MOV10L1: variants seen among roughly 807,000 people sequenced by gnomAD.
MOV10L1 encodes RNA helicase Mov10l1.
In MOV10L1, 110 loss-of-function variants were observed where a neutral mutation model predicts 143.8. That is an observed-to-expected ratio of 0.76 (90% CI 0.66 to 0.90). The LOEUF is 0.90. MOV10L1 is among the 40% of genes least tolerant of loss of function. The pLI, the probability that MOV10L1 is intolerant of heterozygous loss-of-function variation, is 0.00. For missense variants in MOV10L1, 1,406 were observed against 1,526.8 expected (o/e 0.92, Z 1.32); for synonymous variants, 593 against 581.1 (o/e 1.02, Z -0.29).
intron 1 of MOV10L1, chr22:50,090,554 G>C (rs1386750115): frequency 6.3e-7 from 1 of 1,592,838 alleles, no homozygotes; most frequent in Admixed American, 1.8e-5. Flanking sequence ...CCGCAGACTT[G>C]GCCTGTCCTT....
chr22:50,127,537 A>G (rs2062545731), intron 12 of MOV10L1, among the ~76,000 whole-genome samples: 1 of 152,114 alleles, frequency 6.6e-6, no homozygotes, highest in African/African-American at 2.4e-5. Context: ...AAGCCATCCC[A>G]GGGCGTAGCT....
rs370682450 is a variant in MOV10L1 at position 50,108,126 on chromosome 22, G to T, written c.443-10G>T. ...TAACACTACCATGGCTTTTTTCCTG[G>T]CGGTTTTAGGCTTCGAGCCCTGCAA... is the stretch of plus-strand genomic sequence containing the variant. On this transcript the variant is annotated splice_polypyrimidine_tract_variant and intron_variant, in intron 3 of 26. Transcript: ENST00000262794. 1.2e-6 allele frequency: 2 copies of T among 1,610,404 alleles called. No homozygotes were observed. Among genetic ancestry groups the T allele is most frequent in the Non-Finnish European group, 1.7e-6 (2 of 1,177,812 alleles).
intron 22 of MOV10L1, among the ~76,000 whole-genome samples, 175 bp downstream of exon 22, chr22:50,153,393 C>T (rs993232142): frequency 3.9e-5 from 6 of 152,214 alleles, no homozygotes; most frequent in African/African-American, 1.4e-4. Context: ...ATGCTGACTT[C>T]TCCTGCCAGA....
rs554104912 is a variant in MOV10L1, at chr22:50,159,966, A to C, written c.3324+181A>C. On this transcript the variant is annotated intron_variant, in intron 24 of 26. Coordinates refer to ENST00000262794, the MANE Select transcript of MOV10L1 (RefSeq NM_018995.3). The surrounding 1 kb of genome is among the most constrained non-coding windows in gnomAD (Gnocchi z 4.1). ...TGGCTGTGGGAAGGTCTTTTAAAAC[A>C]ATACTCAAAGACTAAGACACAGGAG... is the stretch of plus-strand genomic sequence containing the variant. Among the ~76,000 whole-genome samples the C allele has an allele frequency of 6.6e-6, 1 of 152,264 alleles. No individual in the cohort carries two copies. Among genetic ancestry groups the C allele is most frequent in the Admixed American group, 6.5e-5 (1 of 15,290 alleles).
chr22:50,141,394 A>G (rs974734592), intron 15 of MOV10L1, among the ~76,000 whole-genome samples: 3 of 150,846 alleles, frequency 2.0e-5, no homozygotes, highest in Non-Finnish European at 3.0e-5. Context: ...TGGTCGCCCA[A>G]TCTCCACTCA....
chr22:50,113,559 C>G, intron 5 of MOV10L1, 89 bp from the exon 6 acceptor site: 2 of 1,517,810 alleles, frequency 1.3e-6, no homozygotes, highest in Non-Finnish European at 1.8e-6. Flanking sequence ...CTGAGTGCCC[C>G]CACCAGCAGT....
chr22:50,116,660 CTTTTTT>C (rs397867977), intron 8 of MOV10L1, among the ~76,000 whole-genome samples: 1 of 104,102 alleles, frequency 9.6e-6, no homozygotes, highest in Non-Finnish European at 1.9e-5. Flanking sequence ...TAGATGCTTA[CTTTTTT>C]TTTTTTTTTT....
At chr22:50,141,431 T>C (rs537608388) in intron 15 of MOV10L1, among the ~76,000 whole-genome samples, 2 of 151,670 alleles carry the variant, frequency 1.3e-5, no homozygotes, top group Admixed American at 1.3e-4. Context: ...TGGGCTCAAG[T>C]GATCCTCCCA....
chr22:50,109,767 A>T (rs2061972564), intron 5 of MOV10L1: 3 of 163,938 alleles, frequency 1.8e-5, no homozygotes, highest in Middle Eastern at 6.1e-4. Flanking sequence ...GCTTGAGCCT[A>T]GGAGCTTGAG....
At chr22:50,122,530 C>A (rs1412653724) in intron 10 of MOV10L1, among the ~76,000 whole-genome samples, 1 of 152,126 alleles carries the variant, frequency 6.6e-6, no homozygotes, top group Non-Finnish European at 1.5e-5. Flanking sequence ...AATTTAGATG[C>A]CTTTCATTTC....
chr22:50,145,619 C>G, intron 18 of MOV10L1, 70 bp from the exon 19 acceptor site: 1 of 1,589,436 alleles, frequency 6.3e-7, no homozygotes, highest in Admixed American at 1.7e-5. Context: ...GGTACCAGGG[C>G]AAGGTTCCCT....
At chr22:50,153,745 A>C (rs1180748774) in intron 22 of MOV10L1, among the ~76,000 whole-genome samples, 2 of 152,240 alleles carry the variant, frequency 1.3e-5, no homozygotes, top group African/African-American at 4.8e-5. Flanking sequence ...TTAGATGCTG[A>C]GTGACCAAGC....
intron 22 of MOV10L1, among the ~76,000 whole-genome samples, chr22:50,154,665 G>A (rs1194597030): frequency 5.9e-5 from 9 of 152,174 alleles, no homozygotes; most frequent in South Asian, 2.1e-4. Flanking sequence ...AGGCCATGGC[G>A]GAGAAGAGTC....
At position 50,114,632 on chromosome 22, in the gene MOV10L1, G is replaced by GT. The variant is rs1334143104; in HGVS notation, c.1126+13dup. On this transcript the variant is annotated intron_variant, in intron 7 of 26. Coordinates refer to ENST00000262794, the MANE Select transcript of MOV10L1 (RefSeq NM_018995.3). ...AGAGGAATCTCTCCAGGTAGTGGACGTTTCGGCTGTCACTGCGTGAGGTCG... is the reference window on the plus strand; with the variant it reads ...AGAGGAATCTCTCCAGGTAGTGGACGTTTTCGGCTGTCACTGCGTGAGGTCG... The GT allele has an allele frequency of 8.7e-6, 14 of 1,612,266 alleles. No homozygotes were observed. Among genetic ancestry groups the GT allele is most frequent in the Non-Finnish European group, 1.2e-5 (14 of 1,178,638 alleles).
rs1394609268 is a variant in MOV10L1, at chr22:50,098,242, TAATTATTAAGATTAA to T, written c.283-1200_283-1186del. On this transcript the variant is annotated intron_variant, in intron 2 of 26. Coordinates refer to ENST00000262794, the MANE Select transcript of MOV10L1 (RefSeq NM_018995.3). ...AGTATTAAGATTAACATCTTAATAA[TAATTATTAAGATTAA>T]CATCTTAATAATCACATAATCACTT... 5.1e-3 allele frequency among the ~76,000 whole-genome samples: 749 copies of T among 147,790 alleles called. 5 individuals carry two copies. The highest frequency in any genetic ancestry group is 8.6e-3 in the Non-Finnish European group (576 of 67,040).
chr22:50,097,752 A>G (rs1307472367), intron 2 of MOV10L1, among the ~76,000 whole-genome samples: 1 of 152,134 alleles, frequency 6.6e-6, no homozygotes, highest in Non-Finnish European at 1.5e-5. Flanking sequence ...TTGAGATTCC[A>G]TTAGAATTTT....
chr22:50,116,583 T>G (rs534587928), intron 8 of MOV10L1, among the ~76,000 whole-genome samples: 3 of 152,128 alleles, frequency 2.0e-5, no homozygotes, highest in African/African-American at 7.2e-5. Context: ...AAATTCTGAC[T>G]TAAAATTGGG....
rs766990019 is a variant in MOV10L1 at position 50,115,207 on chromosome 22, CA to C, written c.1221del (p.Gly409GlufsTer29). The C allele has an allele frequency of 1.3e-6, 2 of 1,545,218 alleles. No individual in the cohort carries two copies. Among genetic ancestry groups the C allele is most frequent in the Admixed American group, 2.3e-5 (1 of 43,128 alleles). On this transcript the variant is annotated frameshift_variant, in exon 8 of 27. Transcript: ENST00000262794. LOFTEE classifies it high-confidence loss of function. ...CCTGAGCCTGGGGGGCTTGTCCCTC[CA>C]GGGGGAAAAACCTTCATTGTGGTCA... Reference protein sequence around the residue: ...TEPEPGGLVPPGGKTFIVVIC... With the variant: ...TEPEPGGLVPXGGKTFIVVIC...
intron 13 of MOV10L1, among the ~76,000 whole-genome samples, chr22:50,130,919 C>T (rs966400258): frequency 3.9e-5 from 6 of 152,070 alleles, no homozygotes; most frequent in South Asian, 2.1e-4. Flanking sequence ...TTTTTTGAGA[C>T]GGAGTCTCGT....
Sources: allele counts gnomAD v4.1 joint callset (sites outside exome capture counted in the v4.1 genomes callset), GRCh38; gene constraint gnomAD v4.1.1; non-coding constraint Gnocchi (gnomAD v3.1); transcripts MANE v1.5; gene names NCBI Gene and HGNC (gene_info 2026-07-23, HGNC 2026-07-21).